The following SYT10 variants were observed in gnomAD, a reference collection of about 807,000 sequenced individuals.
SYT10 encodes synaptotagmin 10.
A neutral mutation model predicts 51.1 loss-of-function variants in SYT10; 31 were observed. That is an observed-to-expected ratio of 0.61 (90% confidence interval 0.46 to 0.82). The LOEUF (loss-of-function observed/expected upper bound fraction) is 0.82. SYT10 is among the 40% of genes least tolerant of loss of function. The pLI is 0.00. For missense variants in SYT10, 603 were observed against 634.0 expected (o/e 0.95, Z 0.53); for synonymous variants, 233 against 225.9 (o/e 1.03, Z -0.28).
chr12:33,402,174 T>A (rs1316440185), intron 3 of SYT10, among the ~76,000 whole-genome samples: 1 of 152,198 alleles, frequency 6.6e-6, no homozygotes, highest in Non-Finnish European at 1.5e-5. Flanking sequence ...GATTTCACTC[T>A]TCTAATAAAA....
At chr12:33,437,593 G>T (rs1866648235) in intron 1 of SYT10, among the ~76,000 whole-genome samples, 1 of 152,154 alleles carries the variant, frequency 6.6e-6, no homozygotes, top group Non-Finnish European at 1.5e-5. Flanking sequence ...TCACAAAAGG[G>T]CAGGAAAGAG....
intron 2 of SYT10, chr12:33,423,904 A>G (rs1273907470): frequency 4.4e-6 from 2 of 454,864 alleles, no homozygotes; most frequent in Non-Finnish European, 4.4e-6. Flanking sequence ...AATTAATAAT[A>G]CTTACTTCAT....
At chr12:33,424,323 G>A (rs1392400228) in intron 2 of SYT10, among the ~76,000 whole-genome samples, 1 of 152,020 alleles carries the variant, frequency 6.6e-6, no homozygotes. Context: ...TTTTTCTGAG[G>A]TTCCAAAAAA....
At chr12:33,389,635 C>A (rs193019784) in intron 3 of SYT10, among the ~76,000 whole-genome samples, 1 of 151,778 alleles carries the variant, frequency 6.6e-6, no homozygotes, top group African/African-American at 2.4e-5. Flanking sequence ...ATCATTAACA[C>A]GTATTGAAAA....
intron 2 of SYT10, among the ~76,000 whole-genome samples, chr12:33,408,593 T>A (rs938558876): frequency 5.9e-5 from 9 of 152,222 alleles, no homozygotes; most frequent in Admixed American, 3.3e-4. Flanking sequence ...TTCTTGTCAG[T>A]CTGTTCATCA....
intron 1 of SYT10, among the ~76,000 whole-genome samples, chr12:33,434,921 T>C (rs1156444110): frequency 6.6e-6 from 1 of 152,266 alleles, no homozygotes; most frequent in Non-Finnish European, 1.5e-5. Context: ...GCTGACATGC[T>C]ATTGACTTAA....
chr12:33,430,440 T>C (rs1866587372), intron 1 of SYT10, among the ~76,000 whole-genome samples: 1 of 152,152 alleles, frequency 6.6e-6, no homozygotes, highest in Non-Finnish European at 1.5e-5. Context: ...CTGAAACTTA[T>C]AAATACTGCT....
chr12:33,439,765 C>G lies in SYT10; in HGVS notation c.-243G>C, dbSNP rs1866670315. On this transcript the variant is annotated 5_prime_UTR_variant, in exon 1 of 7. Transcript: ENST00000228567. Reference sequence around the variant, plus strand: ...GGCTGCCGCGAGGTTTGCGCCAACTCTCCCGCCGCGCGAGCGAGCCGAGGC... The same window carrying G: ...GGCTGCCGCGAGGTTTGCGCCAACTGTCCCGCCGCGCGAGCGAGCCGAGGC... 3.9e-6 allele frequency: 2 copies of G among 508,474 alleles called. No homozygotes were observed. Among genetic ancestry groups the G allele is most frequent in the South Asian group, 2.6e-5 (1 of 37,894 alleles). The allele number at this position is 508,474 out of a possible 1,614,324, so 31.5% of individuals were successfully genotyped here.
chr12:33,379,949 A>G lies in SYT10; in HGVS notation c.1383T>C (p.Asn461=). ...AVMDYDRVGH[N]EVIGVCRTGL... ...CTGTTCTGCACACTCCTATGACCTCATTGTGTCCTACCCTATGATTTGTGG... is the reference window on the plus strand; with the variant it reads ...CTGTTCTGCACACTCCTATGACCTCGTTGTGTCCTACCCTATGATTTGTGG... The change falls in exon 6 of 7, where the codon AAT becomes AAC. Residue 461 remains asparagine, a synonymous_variant. Coordinates refer to ENST00000228567, the MANE Select transcript of SYT10 (RefSeq NM_198992.4). The G allele has an allele frequency of 6.2e-7, 1 of 1,611,652 alleles. No individual in the cohort carries two copies. The highest frequency in any genetic ancestry group is 8.5e-7 in the Non-Finnish European group (1 of 1,178,560).
chr12:33,425,003 T>C (rs114781679), intron 2 of SYT10, among the ~76,000 whole-genome samples: 1 of 152,236 alleles, frequency 6.6e-6, no homozygotes, highest in African/African-American at 2.4e-5. Flanking sequence ...TATTCTTACT[T>C]ATCCCTCTGG....
chr12:33,436,230 C>A (rs1326480321), intron 1 of SYT10, among the ~76,000 whole-genome samples: 2 of 152,002 alleles, frequency 1.3e-5, no homozygotes, highest in Non-Finnish European at 2.9e-5. Flanking sequence ...TCACAGTATG[C>A]CTGAAAAATA....
At chr12:33,390,379 G>C (rs1475495409) in intron 3 of SYT10, among the ~76,000 whole-genome samples, 2 of 152,136 alleles carry the variant, frequency 1.3e-5, no homozygotes, top group Non-Finnish European at 2.9e-5. Context: ...TCATTTATAC[G>C]ATCTTCTGGC....
chr12:33,423,012 G>C (rs1866519001), intron 2 of SYT10, among the ~76,000 whole-genome samples: 1 of 152,168 alleles, frequency 6.6e-6, no homozygotes, highest in Non-Finnish European at 1.5e-5. Context: ...GATGACACTT[G>C]AAGAATATTA....
intron 2 of SYT10, among the ~76,000 whole-genome samples, chr12:33,410,535 C>CATT (rs397782965): frequency 6.6e-6 from 1 of 151,960 alleles, no homozygotes; most frequent in African/African-American, 2.4e-5. Context: ...AAGGACCTAT[C>CATT]GTTCAATACA....
chr12:33,426,030 T>C (rs1292818327), intron 2 of SYT10, 108 bp downstream of exon 2: 1 of 1,152,160 alleles, frequency 8.7e-7, no homozygotes, highest in Middle Eastern at 2.2e-4. Context: ...TTCTCTTTTC[T>C]CCCAACTAAA....
intron 1 of SYT10, among the ~76,000 whole-genome samples, chr12:33,438,841 G>A (rs1866658679): frequency 6.6e-6 from 1 of 152,262 alleles, no homozygotes; most frequent in African/African-American, 2.4e-5. Flanking sequence ...ACAGGTTGCA[G>A]CCGCGGGTTA....
At chr12:33,405,138 T>G (rs1195869619) in intron 3 of SYT10, 1 of 152,204 alleles carries the variant, frequency 6.6e-6, no homozygotes, top group South Asian at 2.1e-4. Context: ...TATAGAAATG[T>G]GTTTGTTGCA....
At chr12:33,413,897 TAA>T (rs746156814) in intron 2 of SYT10, among the ~76,000 whole-genome samples, 3 of 152,084 alleles carry the variant, frequency 2.0e-5, no homozygotes, top group Non-Finnish European at 4.4e-5. Context: ...GCTAATTGGA[TAA>T]AGAGTCAAGA....
At chr12:33,434,375 T>TA (rs1866620751) in intron 1 of SYT10, among the ~76,000 whole-genome samples, 1 of 152,208 alleles carries the variant, frequency 6.6e-6, no homozygotes, top group African/African-American at 2.4e-5. Flanking sequence ...TAGATACTGG[T>TA]GACACAAAAA....
Sources: gnomAD v4.1 joint callset for allele counts (sites outside exome capture counted in the v4.1 genomes callset) on GRCh38, gnomAD v4.1.1 for gene constraint, MANE v1.5 for transcripts, NCBI Gene and HGNC (gene_info 2026-07-23, HGNC 2026-07-21) for gene names.